Variants in TNC observed in about 807,000 individuals in gnomAD.
TNC encodes tenascin.
A neutral mutation model predicts 202.4 loss-of-function variants in TNC; 109 were observed. The ratio of observed to expected loss-of-function variants is 0.54; its 90% CI spans 0.46 to 0.63. The LOEUF is 0.63. Ranked by LOEUF, TNC falls within the 30% of genes least tolerant of loss-of-function variation. TNC has a pLI of 0.00. For synonymous variants in TNC, 1,007 were observed against 1,089.7 expected, an observed-to-expected ratio of 0.92 and a Z score of 1.50; for missense variants, 2,756 against 2,833.3, an observed-to-expected ratio of 0.97 and a Z score of 0.62.
chr9:115,068,338 A>G (rs1321080595), intron 10 of TNC, among the ~76,000 whole-genome samples: 1 of 152,202 alleles, frequency 6.6e-6, no homozygotes, highest in African/African-American at 2.4e-5. Context: ...TGGGTTGAGC[A>G]GCTGGTCTGG....
intron 10 of TNC, among the ~76,000 whole-genome samples, chr9:115,071,708 G>A (rs991407164): frequency 2.0e-5 from 3 of 152,164 alleles, no homozygotes; most frequent in Non-Finnish European, 4.4e-5. Flanking sequence ...GAGGAAGGAG[G>A]AGGAGGAAGA....
chr9:115,024,574 T>C (rs753482824), intron 26 of TNC, among the ~76,000 whole-genome samples: 25 of 152,222 alleles, frequency 1.6e-4, no homozygotes, highest in Non-Finnish European at 3.4e-4. Flanking sequence ...TTGTTATTTT[T>C]ATGACTTTTC....
chr9:115,091,972 A>G (rs1835269645), intron 1 of TNC, among the ~76,000 whole-genome samples: 1 of 152,228 alleles, frequency 6.6e-6, no homozygotes, highest in South Asian at 2.1e-4. Context: ...TTCTCCAATC[A>G]GCAAGTACTT....
chr9:115,041,468 G>T (rs1297103116), intron 18 of TNC, among the ~76,000 whole-genome samples: 1 of 152,142 alleles, frequency 6.6e-6, no homozygotes, highest in African/African-American at 2.4e-5. Context: ...CATTGTCTTG[G>T]CTTAGGATTA....
At position 115,021,140 on chromosome 9, in the gene TNC, C is replaced by G. The variant is rs2131407790; in HGVS notation, c.*17G>C. 6.3e-7 allele frequency: 1 copy of G among 1,598,170 alleles called. No homozygotes were observed. The highest frequency in any genetic ancestry group is 8.6e-7 in the Non-Finnish European group (1 of 1,165,962). On this transcript the variant is annotated 3_prime_UTR_variant, in exon 28 of 28. Coordinates refer to ENST00000350763, the MANE Select transcript of TNC (RefSeq NM_002160.4). ...GCTCTGGGCCTTATTCCTCTCTCAC[C>G]CAGTGGTCCCTGGAATTTATGCCCG...
At chr9:115,035,046 T>G (rs1024340554) in intron 22 of TNC, among the ~76,000 whole-genome samples, 158 bp downstream of exon 22, 10 of 151,104 alleles carry the variant, frequency 6.6e-5, no homozygotes, top group Non-Finnish European at 1.0e-4. Context: ...AGAGTATGAT[T>G]CAGAAGGTCT....
intron 15 of TNC, among the ~76,000 whole-genome samples, chr9:115,049,218 C>G (rs1831454590): frequency 6.6e-6 from 1 of 152,132 alleles, no homozygotes; most frequent in South Asian, 2.1e-4. Context: ...CACCATCTCT[C>G]CTTCATTCGT....
At chr9:115,054,816 T>C (rs1206324553) in intron 15 of TNC, among the ~76,000 whole-genome samples, 1 of 152,160 alleles carries the variant, frequency 6.6e-6, no homozygotes, top group Non-Finnish European at 1.5e-5. Context: ...GCACCAAGAT[T>C]TGGACAAGAT....
chr9:115,044,983 G>A (rs1419174967), intron 17 of TNC, among the ~76,000 whole-genome samples: 1 of 152,196 alleles, frequency 6.6e-6, no homozygotes. Context: ...ATGGCAAGTA[G>A]CTATATGCAT....
At chr9:115,106,306 A>G (rs564205570) in intron 1 of TNC, among the ~76,000 whole-genome samples, 2 of 152,328 alleles carry the variant, frequency 1.3e-5, no homozygotes, top group South Asian at 4.1e-4. Flanking sequence ...TATTTGAATC[A>G]GAATTAAGAA....
intron 1 of TNC, among the ~76,000 whole-genome samples, chr9:115,094,159 C>T (rs1588189275): frequency 6.6e-6 from 1 of 152,284 alleles, no homozygotes; most frequent in South Asian, 2.1e-4. Flanking sequence ...AGCATGGTGT[C>T]AAGCTCGTAG....
At position 115,086,760 on chromosome 9, in the gene TNC, CG is replaced by C; in HGVS notation, c.970del (p.Arg324AlafsTer65). The C allele has an allele frequency of 6.2e-7, 1 of 1,613,764 alleles. No individual in the cohort carries two copies. Among genetic ancestry groups the C allele is most frequent in the Non-Finnish European group, 8.5e-7 (1 of 1,180,020 alleles). On this transcript the variant is annotated frameshift_variant, in exon 3 of 28. Transcript: ENST00000350763. LOFTEE classifies it high-confidence loss of function. ...GCAGTAGCAGGTGCCATTGATGCAG[CG>C]GCCCCGGTCGAAGCAGTCATTGGGG... ...ICPNDCFDRG[R>X]CINGTCYCEE...
At chr9:115,032,935 A>G (rs1830057067) in intron 22 of TNC, among the ~76,000 whole-genome samples, 1 of 152,160 alleles carries the variant, frequency 6.6e-6, no homozygotes, top group Non-Finnish European at 1.5e-5. Flanking sequence ...TGGGATTGGA[A>G]TTCAACCTAC....
chr9:115,051,683 G>T (rs1341585278), intron 15 of TNC, among the ~76,000 whole-genome samples: 1 of 151,778 alleles, frequency 6.6e-6, no homozygotes, highest in African/African-American at 2.4e-5. Flanking sequence ...GAAAAAGATG[G>T]TTATACTTTT....
At chr9:115,060,062 A>G in intron 13 of TNC, 60 bp from the exon 14 acceptor site, 1 of 1,483,920 alleles carries the variant, frequency 6.7e-7, no homozygotes, top group East Asian at 2.4e-5. Context: ...GAAACCAAAC[A>G]TCCCACAGCC....
chr9:115,108,328 G>A (rs1836770837), intron 1 of TNC, among the ~76,000 whole-genome samples: 1 of 152,134 alleles, frequency 6.6e-6, no homozygotes, highest in African/African-American at 2.4e-5. Flanking sequence ...GGAGATACTG[G>A]GCTAACGAAA....
intron 16 of TNC, 33 bp downstream of exon 16, chr9:115,048,227 A>G (rs758515795): frequency 6.2e-7 from 1 of 1,605,756 alleles, no homozygotes; most frequent in Non-Finnish European, 8.5e-7. Context: ...GGGACCAGGA[A>G]GAGGAACAAA....
At chr9:115,027,841 C>T (rs1829632156) in intron 25 of TNC, among the ~76,000 whole-genome samples, 1 of 152,020 alleles carries the variant, frequency 6.6e-6, no homozygotes, top group African/African-American at 2.4e-5. Flanking sequence ...GGTTAGACTC[C>T]TATGGGCAAA....
At chr9:115,093,911 C>T (rs1040430017) in intron 1 of TNC, among the ~76,000 whole-genome samples, 2 of 152,010 alleles carry the variant, frequency 1.3e-5, no homozygotes, top group Non-Finnish European at 2.9e-5. Flanking sequence ...CCTATTGGCT[C>T]ATGGTGGTCT....
Sources: gnomAD v4.1 joint callset for allele counts (sites outside exome capture counted in the v4.1 genomes callset) on GRCh38, gnomAD v4.1.1 for gene constraint, MANE v1.5 for transcripts, NCBI Gene and HGNC (gene_info 2026-07-23, HGNC 2026-07-21) for gene names.